PLXNA2: variants seen among roughly 807,000 people sequenced by gnomAD.
PLXNA2 encodes the protein plexin-A2.
In PLXNA2, 91 loss-of-function variants were observed where a neutral mutation model predicts 193.5. The observed-to-expected ratio is 0.47, with a 90% CI of 0.40 to 0.56. The LOEUF (loss-of-function observed/expected upper bound fraction) is 0.56. Among genes scored for constraint, PLXNA2 ranks in the 20% least tolerant of loss-of-function variants. The pLI is 0.00. For synonymous variants in PLXNA2, 997 were observed against 1,027.3 expected (o/e 0.97, Z 0.56); for missense variants, 1,995 against 2,503.2 (o/e 0.80, Z 4.33).
rs1046476826 is a variant in PLXNA2, at chr1:208,117,365, C to T, written c.1507-14118G>A. Among the ~76,000 whole-genome samples, 7 of 152,036 alleles carry T rather than the reference C, an allele frequency of 4.6e-5. 1 individual carries two copies. In the East Asian group the frequency reaches 1.3e-3, roughly 29 times the overall value. On this transcript the variant is annotated intron_variant, in intron 4 of 31. Coordinates refer to ENST00000367033, the MANE Select transcript of PLXNA2 (RefSeq NM_025179.4). The stretch of plus-strand genomic sequence containing the variant: ...GCGAAGCAGGAACTTGGGAGGTCAC[C>T]GCTCCCACCCCAGCTGCACAATGGT...
At chr1:208,163,677 G>A (rs1352228399) in intron 3 of PLXNA2, among the ~76,000 whole-genome samples, 1 of 152,142 alleles carries the variant, frequency 6.6e-6, no homozygotes, top group Non-Finnish European at 1.5e-5. Flanking sequence ...CAGTAGTTCT[G>A]GTTCCCTAGT....
At chr1:208,051,546 T>C (rs985618632) in intron 15 of PLXNA2, 123 bp from the exon 16 acceptor site, 5 of 698,826 alleles carry the variant, frequency 7.2e-6, no homozygotes, top group Non-Finnish European at 7.2e-6. Context: ...CTCATCCTTT[T>C]ATATTCTACA....
intron 2 of PLXNA2, among the ~76,000 whole-genome samples, chr1:208,214,990 A>G (rs866703857): frequency 6.6e-6 from 1 of 151,732 alleles, no homozygotes; most frequent in African/African-American, 2.4e-5. Flanking sequence ...CTACTAGATT[A>G]TAAGATCTGT....
rs758436585 is a variant in PLXNA2, at chr1:208,051,282, G to A, written c.3135C>T (p.Arg1045=). The A allele has an allele frequency of 3.1e-6, 5 of 1,611,640 alleles. No individual in the cohort carries two copies. Among genetic ancestry groups the A allele is most frequent in the Non-Finnish European group, 4.2e-6 (5 of 1,178,704 alleles). ...TGGCAATGCTCCACTCTGGCTCGAT[G>A]CGCTGGACCCGAGGGTCATCTATGT... ...FEYIDDPRVQ[R]IEPEWSIASG... is the part of the protein sequence containing the mutation. Residue 1045 remains arginine (R), a synonymous_variant, in exon 16 of 32, where the codon CGC becomes CGT. Coordinates refer to ENST00000367033, the MANE Select transcript of PLXNA2 (RefSeq NM_025179.4).
chr1:208,065,612 T>C (rs1665766391), intron 12 of PLXNA2, among the ~76,000 whole-genome samples: 1 of 152,208 alleles, frequency 6.6e-6, no homozygotes, highest in Non-Finnish European at 1.5e-5. Flanking sequence ...GATGGAAGTC[T>C]TCCTATCCGT....
intron 3 of PLXNA2, among the ~76,000 whole-genome samples, chr1:208,201,982 TTTTTTTTTC>T (rs1374388465): frequency 6.6e-6 from 1 of 151,796 alleles, no homozygotes; most frequent in Non-Finnish European, 1.5e-5. Flanking sequence ...AATTTTTTTT[TTTTTTTTTC>T]TTTTTGAGAT....
At chr1:208,188,312 G>A (rs1308233982) in intron 3 of PLXNA2, among the ~76,000 whole-genome samples, 1 of 152,174 alleles carries the variant, frequency 6.6e-6, no homozygotes, top group African/African-American at 2.4e-5. Flanking sequence ...ACAAAGGTAT[G>A]GAGCCCTCAT....
rs184322562 is a variant in PLXNA2 at position 208,196,654 on chromosome 1, G to C, written c.1371+13626C>G. Among the ~76,000 whole-genome samples, 202 of 152,332 alleles carry C rather than the reference G, an allele frequency of 1.3e-3. 4 individuals are homozygous for C. The highest frequency in any genetic ancestry group is 0.012 in the Admixed American group (191 of 15,294). ...AGACCCTGGGTTAACTGAGAAGAAA[G>C]AGAAACAGTAGAAACCATGGCAGTG... is the stretch of plus-strand genomic sequence containing the variant. On this transcript the variant is annotated intron_variant, in intron 3 of 31. Coordinates refer to ENST00000367033, the MANE Select transcript of PLXNA2 (RefSeq NM_025179.4).
intron 3 of PLXNA2, among the ~76,000 whole-genome samples, chr1:208,178,186 G>T (rs922520196): frequency 1.6e-4 from 24 of 152,152 alleles, no homozygotes; most frequent in African/African-American, 5.1e-4. Flanking sequence ...TGTTTTTGTG[G>T]AATTCCTGAG....
At chr1:208,224,524 A>G (rs1049828595) in intron 1 of PLXNA2, among the ~76,000 whole-genome samples, 3 of 151,182 alleles carry the variant, frequency 2.0e-5, no homozygotes, top group Non-Finnish European at 4.4e-5. Context: ...TAAAGGGAAA[A>G]GGGGGAGGGG....
intron 17 of PLXNA2, among the ~76,000 whole-genome samples, chr1:208,046,890 T>C (rs1665088815): frequency 2.6e-5 from 4 of 151,924 alleles, no homozygotes; most frequent in Admixed American, 2.6e-4. Context: ...TTGCTCAGTA[T>C]GTAGTAGGTG....
At chr1:208,052,513 G>A in intron 14 of PLXNA2, 50 bp from the exon 15 acceptor site, 5 of 1,587,410 alleles carry the variant, frequency 3.1e-6, no homozygotes, top group Non-Finnish European at 4.3e-6. Flanking sequence ...TCTCCAAAAG[G>A]ATGGACCATG....
chr1:208,211,967 A>G (rs1670971194), intron 2 of PLXNA2, among the ~76,000 whole-genome samples: 1 of 152,234 alleles, frequency 6.6e-6, no homozygotes, highest in Admixed American at 6.5e-5. Flanking sequence ...GGGCTGGGTC[A>G]GAATGAGTGC....
intron 2 of PLXNA2, 64 bp downstream of exon 2, chr1:208,216,671 A>G (rs1330980429): frequency 6.5e-7 from 1 of 1,542,806 alleles, no homozygotes; most frequent in South Asian, 1.2e-5. Context: ...GCCCCAGGGC[A>G]TGGACAGGAA....
chr1:208,051,149 T>G, intron 16 of PLXNA2, 47 bp from the exon 17 acceptor site: 1 of 1,598,136 alleles, frequency 6.3e-7, no homozygotes, highest in Non-Finnish European at 8.6e-7. Flanking sequence ...CCCTCAAATC[T>G]GGCATGGTGA....
chr1:208,063,659 C>T (rs1041598101), intron 12 of PLXNA2, among the ~76,000 whole-genome samples: 13 of 152,212 alleles, frequency 8.5e-5, no homozygotes, highest in African/African-American at 2.9e-4. Context: ...GTGTACCATG[C>T]TGCCAGCACC....
intron 9 of PLXNA2, among the ~76,000 whole-genome samples, chr1:208,086,511 C>G (rs556519420): frequency 6.6e-6 from 1 of 152,036 alleles, no homozygotes; most frequent in East Asian, 1.9e-4. Context: ...TCTGAAGAGC[C>G]GGATCTGGGG....
intron 26 of PLXNA2, among the ~76,000 whole-genome samples, chr1:208,037,613 C>T (rs1664713367): frequency 6.6e-6 from 1 of 152,142 alleles, no homozygotes; most frequent in Non-Finnish European, 1.5e-5. Flanking sequence ...TTCTGAATCC[C>T]AACCTGTCTA....
intron 3 of PLXNA2, among the ~76,000 whole-genome samples, chr1:208,203,126 T>C (rs1457404776): frequency 1.3e-5 from 2 of 152,182 alleles, no homozygotes; most frequent in African/African-American, 4.8e-5. Context: ...TCTGTAAATA[T>C]GCCCCTTTCT....
Sources: gnomAD v4.1 joint callset for allele counts (sites outside exome capture counted in the v4.1 genomes callset) on GRCh38, gnomAD v4.1.1 for gene constraint, MANE v1.5 for transcripts, NCBI Gene and HGNC (gene_info 2026-07-23, HGNC 2026-07-21) for gene names.